The following LGR4 variants were observed in gnomAD, a reference collection of about 807,000 sequenced individuals.
The protein encoded by LGR4 is leucine rich repeat containing G protein-coupled receptor 4.
Under a neutral mutation model 84.8 loss-of-function variants are expected in LGR4, and 44 were observed. The observed-to-expected ratio is 0.52, with a 90% CI of 0.41 to 0.67. The LOEUF is 0.67. Among genes scored for constraint, LGR4 ranks in the 30% least tolerant of loss-of-function variants. The pLI is 0.00. For missense variants in LGR4, 1,032 were observed against 1,131.4 expected (o/e 0.91, Z 1.26); for synonymous variants, 429 against 434.3 (o/e 0.99, Z 0.15).
At chr11:27,434,513 A>T (rs1356633966) in intron 1 of LGR4, among the ~76,000 whole-genome samples, 1 of 152,218 alleles carries the variant, frequency 6.6e-6, no homozygotes, top group African/African-American at 2.4e-5. Flanking sequence ...TGTCCACTAC[A>T]CTGAACTGGG....
chr11:27,383,872 G>A (rs373857127), intron 6 of LGR4, among the ~76,000 whole-genome samples: 7 of 152,256 alleles, frequency 4.6e-5, no homozygotes, highest in South Asian at 4.1e-4. Context: ...ACTTTAGCTC[G>A]TGGAAACAAC....
In LGR4 at chr11:27,400,786, C is replaced by T. The variant is rs554868898; in HGVS notation, c.258-8268G>A. On this transcript the variant is annotated intron_variant, in intron 2 of 17. Transcript: ENST00000379214. Reference sequence around the variant, plus strand: ...TGCTGGGATTACAGGTGTGAGCCACCGCGCCTGGCCTGTTTTGTGTTATTT... The same window carrying T: ...TGCTGGGATTACAGGTGTGAGCCACTGCGCCTGGCCTGTTTTGTGTTATTT... Among the ~76,000 whole-genome samples the T allele has an allele frequency of 9.2e-5, 14 of 152,196 alleles. No individual in the cohort carries two copies. The East Asian group carries it at 1.4e-3, about 15-fold the overall frequency.
At chr11:27,411,055 G>A (rs1041241495) in intron 2 of LGR4, among the ~76,000 whole-genome samples, 4 of 152,062 alleles carry the variant, frequency 2.6e-5, no homozygotes, top group African/African-American at 4.8e-5. Flanking sequence ...AGGCATCAAC[G>A]AAGATGGTGT....
rs767283342 is a variant in LGR4 at position 27,384,416 on chromosome 11, GA to G, written c.618-10del. On this transcript the variant is annotated splice_polypyrimidine_tract_variant and intron_variant, in intron 5 of 17. Transcript: ENST00000379214. ...TATTGTTATGAAGATGCCTAAGGGG[GA>G]AAAAAAGCATAAAATGACTTTTCCA... 70 of 1,591,510 alleles carry G rather than the reference GA, an allele frequency of 4.4e-5. No homozygotes were observed. The highest frequency in any genetic ancestry group is 4.0e-4 in the African/African-American group (30 of 74,134).
chr11:27,419,762 A>G (rs2133407310), intron 1 of LGR4, among the ~76,000 whole-genome samples: 1 of 151,928 alleles, frequency 6.6e-6, no homozygotes, highest in African/African-American at 2.4e-5. Flanking sequence ...AAAAAGGAGC[A>G]GACTACTGAT....
intron 1 of LGR4, among the ~76,000 whole-genome samples, chr11:27,417,074 C>T (rs1484491993): frequency 1.3e-5 from 2 of 152,088 alleles, no homozygotes; most frequent in African/African-American, 4.8e-5. Context: ...TTTAAATATA[C>T]CGTGATTGAC....
chr11:27,368,642 A>G lies in LGR4; in HGVS notation c.2081T>C (p.Leu694Ser). The change falls in exon 18 of 18, where the codon TTG (leucine) becomes TCG (serine). Residue 694 changes from leucine to serine, a missense_variant. Coordinates refer to ENST00000379214, the MANE Select transcript of LGR4 (RefSeq NM_018490.5). ...TGGCGTTTCACCTGTAGGAAATGGCAAACAAAGGGGTGATGCAGAATATTC... is the reference window on the plus strand; with the variant it reads ...TGGCGTTTCACCTGTAGGAAATGGCGAACAAAGGGGTGATGCAGAATATTC... ...RGEYSASPLC[L>S]PFPTGETPSL... 4 of 1,614,080 alleles carry G rather than the reference A, an allele frequency of 2.5e-6. No homozygotes were observed. Among genetic ancestry groups the G allele is most frequent in the Non-Finnish European group, 3.4e-6 (4 of 1,180,008 alleles).
In LGR4 at chr11:27,369,098, C is replaced by T. The variant is rs200626048; in HGVS notation, c.1625G>A (p.Arg542His). 3.2e-5 allele frequency: 51 copies of T among 1,611,912 alleles called. No individual in the cohort carries two copies. In the Middle Eastern group the frequency reaches 5.0e-4, roughly 16 times the overall value. Residue 542 changes from arginine to histidine, a missense_variant, in exon 18 of 18, where the codon CGT becomes CAT. By Grantham distance (29) the Arg-to-His change is conservative. Coordinates refer to ENST00000379214, the MANE Select transcript of LGR4 (RefSeq NM_018490.5). The part of the protein sequence containing the change: ...CEYLLGSWMI[R>H]LTVWFIFLVA... ...CAAGAAAATGAACCACACAGTAAGA[C>T]GAATCATCCAGCTTCCCAGTAAATA...
At chr11:27,463,778 C>T (rs1049542763) in intron 1 of LGR4, among the ~76,000 whole-genome samples, 3 of 152,014 alleles carry the variant, frequency 2.0e-5, no homozygotes, top group Non-Finnish European at 4.4e-5. Flanking sequence ...AAGAGTGAAA[C>T]TCCATCTCAA....
intron 1 of LGR4, among the ~76,000 whole-genome samples, chr11:27,414,389 C>T (rs568891186): frequency 4.8e-5 from 7 of 146,382 alleles, no homozygotes; most frequent in African/African-American, 7.8e-5. Flanking sequence ...GCTTGACAAC[C>T]GGGGTTTAAA....
At chr11:27,405,195 C>T (rs574441565) in intron 2 of LGR4, among the ~76,000 whole-genome samples, 122 of 152,292 alleles carry the variant, frequency 8.0e-4, no homozygotes, top group African/African-American at 2.7e-3. Context: ...AAGGCCCTTT[C>T]TCACTAGTCA....
chr11:27,370,890 T>A (rs981017628), intron 17 of LGR4, among the ~76,000 whole-genome samples: 4 of 152,210 alleles, frequency 2.6e-5, no homozygotes, highest in African/African-American at 9.7e-5. Context: ...AGATGATTCT[T>A]GCCAACTGCA....
At chr11:27,419,456 C>T (rs1863883252) in intron 1 of LGR4, among the ~76,000 whole-genome samples, 1 of 151,704 alleles carries the variant, frequency 6.6e-6, no homozygotes, top group South Asian at 2.1e-4. Flanking sequence ...CTCTCATATG[C>T]TGTTGGCAAC....
At chr11:27,427,766 G>A (rs1864048149) in intron 1 of LGR4, among the ~76,000 whole-genome samples, 1 of 152,170 alleles carries the variant, frequency 6.6e-6, no homozygotes, top group African/African-American at 2.4e-5. Flanking sequence ...TTCCAAGAAT[G>A]CCAATGAAGT....
intron 1 of LGR4, among the ~76,000 whole-genome samples, chr11:27,429,470 G>A (rs1433002357): frequency 1.3e-5 from 2 of 150,036 alleles, no homozygotes; most frequent in South Asian, 2.1e-4. Context: ...GTGACAGAAC[G>A]AGATTCCATC....
At chr11:27,415,150 C>A (rs1863792109) in intron 1 of LGR4, among the ~76,000 whole-genome samples, 1 of 151,934 alleles carries the variant, frequency 6.6e-6, no homozygotes, top group South Asian at 2.1e-4. Context: ...AATAATGATC[C>A]AAAATGAGTA....
In LGR4 at chr11:27,369,042, A is replaced by C. The variant is rs751116300; in HGVS notation, c.1681T>G (p.Leu561Val). 3.7e-6 allele frequency: 6 copies of C among 1,614,010 alleles called. No individual in the cohort carries two copies. Among genetic ancestry groups the C allele is most frequent in the Non-Finnish European group, 5.1e-6 (6 of 1,179,988 alleles). Residue 561 changes from leucine (L) to valine (V), a missense_variant, in exon 18 of 18, where the codon TTA (leucine) becomes GTA (valine). Transcript: ENST00000379214. ...GATGTACAAGATGCAAATGTTGTTA[A>C]AATAACAAGCAGGTTGAAAAATAAT... ...VALFFNLLVI[L>V]TTFASCTSLP...
At chr11:27,388,103 G>C (rs1863219183) in intron 4 of LGR4, among the ~76,000 whole-genome samples, 1 of 152,172 alleles carries the variant, frequency 6.6e-6, no homozygotes, top group Non-Finnish European at 1.5e-5. Flanking sequence ...CCAAAAAATT[G>C]TGAAGTCACA....
chr11:27,393,211 G>A (rs1411282538), intron 2 of LGR4, among the ~76,000 whole-genome samples: 1 of 151,982 alleles, frequency 6.6e-6, no homozygotes, highest in East Asian at 1.9e-4. Flanking sequence ...TATTTCCCTG[G>A]GCATAGAGAA....
Sources: gnomAD v4.1 joint callset for allele counts (sites outside exome capture counted in the v4.1 genomes callset) on GRCh38, gnomAD v4.1.1 for gene constraint, MANE v1.5 for transcripts, NCBI Gene and HGNC (gene_info 2026-07-23, HGNC 2026-07-21) for gene names.